The following ITGBL1 variants were observed in gnomAD, a reference collection of about 807,000 sequenced individuals.
ITGBL1 encodes integrin beta-like protein 1.
A neutral mutation model predicts 68.5 loss-of-function variants in ITGBL1; 51 were observed. The ratio of observed to expected loss-of-function variants is 0.74; its 90% CI spans 0.59 to 0.94. The LOEUF is 0.94. Among genes scored for constraint, ITGBL1 ranks in the 40% least tolerant of loss-of-function variants. The pLI is 0.00. For missense variants in ITGBL1, 649 were observed against 647.4 expected (o/e 1.00, Z -0.03); for synonymous variants, 209 against 227.3 (o/e 0.92, Z 0.72).
chr13:101,594,552 A>G (rs2050711215), intron 6 of ITGBL1, among the ~76,000 whole-genome samples: 1 of 152,214 alleles, frequency 6.6e-6, no homozygotes, highest in Admixed American at 6.5e-5. Context: ...TAACACCAGA[A>G]CACAGACAAC....
chr13:101,536,140 C>T (rs1158685165), intron 2 of ITGBL1, among the ~76,000 whole-genome samples: 1 of 151,878 alleles, frequency 6.6e-6, no homozygotes, highest in Non-Finnish European at 1.5e-5. Context: ...GATACCATCT[C>T]ACACCAGTTA....
At chr13:101,490,395 G>T (rs2048759744) in intron 2 of ITGBL1, among the ~76,000 whole-genome samples, 1 of 152,172 alleles carries the variant, frequency 6.6e-6, no homozygotes, top group African/African-American at 2.4e-5. Flanking sequence ...TTGTAGTAGT[G>T]CTAGCTGACT....
intron 2 of ITGBL1, among the ~76,000 whole-genome samples, chr13:101,463,379 G>T (rs2048342114): frequency 6.6e-6 from 1 of 152,054 alleles, no homozygotes; most frequent in South Asian, 2.1e-4. Flanking sequence ...ACTGTATCAT[G>T]CCCCAACTCA....
chr13:101,483,196 A>G (rs1205899820), intron 2 of ITGBL1, among the ~76,000 whole-genome samples: 1 of 118,138 alleles, frequency 8.5e-6, no homozygotes, highest in Non-Finnish European at 2.1e-5. Flanking sequence ...CAGAGAAATT[A>G]TCTCACCTGG....
intron 2 of ITGBL1, among the ~76,000 whole-genome samples, chr13:101,505,036 C>T (rs960825595): frequency 6.6e-6 from 1 of 152,104 alleles, no homozygotes; most frequent in Non-Finnish European, 1.5e-5. Flanking sequence ...TTTGGGTGTT[C>T]GTGTTGTGCT....
chr13:101,616,764 T>C (rs2031379355), intron 7 of ITGBL1, among the ~76,000 whole-genome samples: 1 of 152,202 alleles, frequency 6.6e-6, no homozygotes, highest in African/African-American at 2.4e-5. Flanking sequence ...GTGCTGGGAT[T>C]ACAGGTGTGA....
At chr13:101,661,789 A>C (rs188121778) in intron 7 of ITGBL1, among the ~76,000 whole-genome samples, 111 of 152,324 alleles carry the variant, frequency 7.3e-4, no homozygotes, top group African/African-American at 2.5e-3. Context: ...AGAAACTTAG[A>C]AAAGACTAGG....
At chr13:101,574,351 T>A (rs2050321089) in intron 3 of ITGBL1, among the ~76,000 whole-genome samples, 1 of 152,164 alleles carries the variant, frequency 6.6e-6, no homozygotes, top group South Asian at 2.1e-4. Flanking sequence ...CTCACTTCTC[T>A]TAGCTATGCT....
intron 7 of ITGBL1, among the ~76,000 whole-genome samples, chr13:101,653,561 G>A (rs939945644): frequency 1.3e-5 from 2 of 152,170 alleles, no homozygotes; most frequent in African/African-American, 2.4e-5. Flanking sequence ...TTGACTTTAA[G>A]TGCATACATT....
At chr13:101,485,075 G>C (rs964915540) in intron 2 of ITGBL1, among the ~76,000 whole-genome samples, 5 of 152,106 alleles carry the variant, frequency 3.3e-5, no homozygotes, top group African/African-American at 9.7e-5. Context: ...CATCTTTAAA[G>C]GATTGAAGAA....
At chr13:101,660,682 G>A (rs1461557354) in intron 7 of ITGBL1, among the ~76,000 whole-genome samples, 2 of 152,108 alleles carry the variant, frequency 1.3e-5, no homozygotes, top group African/African-American at 4.8e-5. Context: ...TTCTCCCTAA[G>A]TTAACCTTGC....
intron 6 of ITGBL1, among the ~76,000 whole-genome samples, chr13:101,587,680 G>C (rs752856416): frequency 6.6e-6 from 1 of 152,112 alleles, no homozygotes; most frequent in Non-Finnish European, 1.5e-5. Flanking sequence ...TTTTGGCTTA[G>C]AGTTACATTA....
rs16959152 is a variant in ITGBL1, at chr13:101,589,859, T to C, written c.868+6503T>C. 9.0e-3 allele frequency among the ~76,000 whole-genome samples: 1,377 copies of C among 152,324 alleles called. 22 individuals are homozygous for C. The highest frequency in any genetic ancestry group is 0.031 in the African/African-American group (1,301 of 41,570). ...ATGATCCTGGAGAATGTTCATGATG[T>C]TGCATTAAGTACACAGGAAAAGAGG... On this transcript the variant is annotated intron_variant, in intron 6 of 10. Transcript: ENST00000376180.
At chr13:101,598,826 A>G (rs547357440) in intron 7 of ITGBL1, among the ~76,000 whole-genome samples, 2 of 152,186 alleles carry the variant, frequency 1.3e-5, no homozygotes, top group African/African-American at 2.4e-5. Context: ...TCCTTAATCC[A>G]GTCTATCATT....
chr13:101,498,796 G>C lies in ITGBL1; in HGVS notation c.316+44696G>C, dbSNP rs185331250. 1.4e-3 allele frequency among the ~76,000 whole-genome samples: 206 copies of C among 152,288 alleles called. 1 individual carries two copies. The highest frequency in any genetic ancestry group is 1.9e-3 in the Non-Finnish European group (127 of 68,016). ...TGTGTTAGCCTGTTTTTAGGCTGCT[G>C]ATAAAGACGTACCTGAGTCTGGGTA... On this transcript the variant is annotated intron_variant, in intron 2 of 10. Coordinates refer to ENST00000376180, the MANE Select transcript of ITGBL1 (RefSeq NM_004791.3).
intron 2 of ITGBL1, among the ~76,000 whole-genome samples, chr13:101,480,388 C>T (rs1021935070): frequency 2.6e-5 from 4 of 151,498 alleles, no homozygotes; most frequent in African/African-American, 9.7e-5. Flanking sequence ...TAGTTAGATA[C>T]AGTGTATAAG....
intron 7 of ITGBL1, among the ~76,000 whole-genome samples, chr13:101,616,866 G>A (rs1307388456): frequency 6.6e-6 from 1 of 152,152 alleles, no homozygotes; most frequent in East Asian, 1.9e-4. Flanking sequence ...TGAGGGAGTT[G>A]GGGAATCCCA....
At chr13:101,620,328 C>A (rs1052190166) in intron 7 of ITGBL1, among the ~76,000 whole-genome samples, 2 of 152,100 alleles carry the variant, frequency 1.3e-5, no homozygotes, top group East Asian at 3.8e-4. Context: ...GCAATCAGCA[C>A]AAATTACATT....
chr13:101,495,447 A>T (rs1468737411), intron 2 of ITGBL1, among the ~76,000 whole-genome samples: 1 of 152,040 alleles, frequency 6.6e-6, no homozygotes, highest in Non-Finnish European at 1.5e-5. Context: ...CTCTCATGAA[A>T]ATGTGCTTGT....
Sources: gnomAD v4.1 joint callset for allele counts (sites outside exome capture counted in the v4.1 genomes callset) on GRCh38, gnomAD v4.1.1 for gene constraint, MANE v1.5 for transcripts, NCBI Gene and HGNC (gene_info 2026-07-23, HGNC 2026-07-21) for gene names.